PCDH7: variants seen among roughly 807,000 people sequenced by gnomAD.
PCDH7 encodes the protein protocadherin 7, also known as protocadherin-7.
Under a neutral mutation model 58.9 loss-of-function variants are expected in PCDH7, and 17 were observed. The ratio of observed to expected loss-of-function variants is 0.29; its 90% CI spans 0.20 to 0.43. The LOEUF is 0.43. Among genes scored for constraint, PCDH7 ranks in the 20% least tolerant of loss-of-function variants. The pLI is 1.00. For synonymous variants in PCDH7, 664 were observed against 616.4 expected (o/e 1.08, Z -1.14); for missense variants, 1,274 against 1,441.0 (o/e 0.88, Z 1.88).
chr4:31,068,110 A>G (rs79311305), intron 3 of PCDH7, among the ~76,000 whole-genome samples: 2,918 of 151,994 alleles, frequency 0.019, 86 homozygotes, highest in African/African-American at 0.067. Flanking sequence ...GCGTTTTCTT[A>G]CGGGCAAATT....
intron 3 of PCDH7, among the ~76,000 whole-genome samples, chr4:30,988,616 TTTTG>T (rs1211260874): frequency 6.6e-6 from 1 of 152,240 alleles, no homozygotes; most frequent in Non-Finnish European, 1.5e-5. Flanking sequence ...GCCGAGTTAG[TTTTG>T]TTTAAGACAC....
intron 1 of PCDH7, among the ~76,000 whole-genome samples, chr4:30,866,407 A>T (rs1311418335): frequency 1.3e-5 from 2 of 152,110 alleles, no homozygotes; most frequent in African/African-American, 4.8e-5. Context: ...GCAAAGACTT[A>T]AACAGAGGCA....
At chr4:30,966,498 T>C (rs1749006286) in intron 3 of PCDH7, among the ~76,000 whole-genome samples, 1 of 152,148 alleles carries the variant, frequency 6.6e-6, no homozygotes, top group Non-Finnish European at 1.5e-5. Context: ...GCTCTTAAAT[T>C]GCAGGAAAAA....
intron 3 of PCDH7, among the ~76,000 whole-genome samples, chr4:31,002,363 G>A (rs1752425194): frequency 6.6e-6 from 1 of 152,180 alleles, no homozygotes; most frequent in Non-Finnish European, 1.5e-5. Flanking sequence ...CAATTTAATA[G>A]CATTTAATAG....
intron 3 of PCDH7, among the ~76,000 whole-genome samples, chr4:30,986,277 T>A (rs533308012): frequency 2.2e-4 from 34 of 152,280 alleles, no homozygotes; most frequent in African/African-American, 7.9e-4. Context: ...GACATTAATA[T>A]TCAGGTCTGT....
chr4:30,746,330 T>C (rs997745458), intron 1 of PCDH7, among the ~76,000 whole-genome samples: 2 of 152,214 alleles, frequency 1.3e-5, no homozygotes, highest in African/African-American at 4.8e-5. Context: ...TAAACAAAAA[T>C]CCTAATTCAA....
intron 1 of PCDH7, among the ~76,000 whole-genome samples, chr4:30,829,774 T>C (rs900923606): frequency 9.9e-5 from 15 of 152,106 alleles, no homozygotes; most frequent in African/African-American, 3.6e-4. Flanking sequence ...ATATGGCTAA[T>C]AAAATGTAGG....
At chr4:30,938,217 G>A (rs541799102) in intron 2 of PCDH7, among the ~76,000 whole-genome samples, 20 of 152,120 alleles carry the variant, frequency 1.3e-4, no homozygotes, top group African/African-American at 4.3e-4. Context: ...CTTTCTAAAC[G>A]AAGTTTACTG....
chr4:30,880,031 C>A (rs967394451), intron 1 of PCDH7, among the ~76,000 whole-genome samples: 1 of 152,060 alleles, frequency 6.6e-6, no homozygotes, highest in South Asian at 2.1e-4. Flanking sequence ...ATGTTTGGAA[C>A]CCCCACTCTT....
intron 1 of PCDH7, among the ~76,000 whole-genome samples, chr4:30,797,523 C>T (rs1724954089): frequency 6.6e-6 from 1 of 152,180 alleles, no homozygotes; most frequent in Non-Finnish European, 1.5e-5. Context: ...ATCTGCCCGC[C>T]TCGGTCTCCC....
At chr4:31,113,654 G>A (rs995133699) in intron 3 of PCDH7, among the ~76,000 whole-genome samples, 4 of 151,878 alleles carry the variant, frequency 2.6e-5, no homozygotes, top group African/African-American at 9.7e-5. Flanking sequence ...GTAGTTTCAA[G>A]AATTATCTTT....
chr4:31,131,550 A>G (rs1004028572), intron 3 of PCDH7, among the ~76,000 whole-genome samples: 1 of 152,184 alleles, frequency 6.6e-6, no homozygotes, highest in Non-Finnish European at 1.5e-5. Context: ...AGCTCCTAAC[A>G]AAAGCTCCCA....
At chr4:30,834,272 C>A (rs1730184980) in intron 1 of PCDH7, among the ~76,000 whole-genome samples, 1 of 152,096 alleles carries the variant, frequency 6.6e-6, no homozygotes, top group South Asian at 2.1e-4. Context: ...TCTTGAAATT[C>A]TTAATAATTT....
At chr4:30,977,250 T>G (rs548369352) in intron 3 of PCDH7, among the ~76,000 whole-genome samples, 1 of 152,212 alleles carries the variant, frequency 6.6e-6, no homozygotes, top group Admixed American at 6.5e-5. Flanking sequence ...TACAATAGAG[T>G]GGAGTCTTGC....
At chr4:30,758,331 A>G (rs1577681955) in intron 1 of PCDH7, among the ~76,000 whole-genome samples, 2 of 152,128 alleles carry the variant, frequency 1.3e-5, no homozygotes, top group Non-Finnish European at 2.9e-5. Flanking sequence ...ATTAGAAAGG[A>G]AGTGTTAGGA....
At chr4:31,059,374 AT>A (rs1379273162) in intron 3 of PCDH7, among the ~76,000 whole-genome samples, 2 of 151,894 alleles carry the variant, frequency 1.3e-5, no homozygotes, top group Non-Finnish European at 2.9e-5. Flanking sequence ...TATGATTACT[AT>A]TTTTTAAAAT....
intron 1 of PCDH7, among the ~76,000 whole-genome samples, chr4:30,859,123 G>C (rs990274914): frequency 2.6e-5 from 4 of 152,070 alleles, no homozygotes; most frequent in Non-Finnish European, 5.9e-5. Context: ...TTGTAGTGAA[G>C]TTGTTCATTT....
chr4:30,820,995 T>C (rs1340447950), intron 1 of PCDH7, among the ~76,000 whole-genome samples: 1 of 152,200 alleles, frequency 6.6e-6, no homozygotes, highest in Non-Finnish European at 1.5e-5. Flanking sequence ...TAAATATTGA[T>C]ACTGGAACAT....
chr4:31,129,127 G>A (rs1578873825), intron 3 of PCDH7, among the ~76,000 whole-genome samples: 1 of 152,110 alleles, frequency 6.6e-6, no homozygotes, highest in African/African-American at 2.4e-5. Context: ...GACTGGAATG[G>A]TCCTAGGATT....
Sources: gnomAD v4.1 joint callset for allele counts (sites outside exome capture counted in the v4.1 genomes callset) on GRCh38, gnomAD v4.1.1 for gene constraint, MANE v1.5 for transcripts, NCBI Gene and HGNC (gene_info 2026-07-23, HGNC 2026-07-21) for gene names.